Variants in NCKAP5 observed in about 807,000 individuals in gnomAD.
NCKAP5 encodes the protein NCK associated protein 5, also known as nck-associated protein 5.
NCKAP5 carries 92 observed loss-of-function variants against 167.0 expected under a neutral mutation model. The ratio of observed to expected loss-of-function variants is 0.55; its 90% CI spans 0.47 to 0.66. The LOEUF is 0.66. Ranked by LOEUF, NCKAP5 falls within the 30% of genes least tolerant of loss-of-function variation. The pLI is 0.00. For missense variants in NCKAP5, 2,378 were observed against 2,315.0 expected (o/e 1.03, Z -0.56); for synonymous variants, 891 against 877.4 (o/e 1.02, Z -0.27).
In NCKAP5 at chr2:133,120,065, C is replaced by T. The variant is rs1205872902; in HGVS notation, c.341+9913G>A. Among the ~76,000 whole-genome samples, 3 of 152,002 alleles carry T rather than the reference C, an allele frequency of 2.0e-5. No individual in the cohort carries two copies. The East Asian group carries it at 5.8e-4, about 29-fold the overall frequency. On this transcript the variant is annotated intron_variant, in intron 6 of 19. Coordinates refer to ENST00000409261, the MANE Select transcript of NCKAP5 (RefSeq NM_207363.3). ...TGCTAAAGCGGTTACAGAAAATAAA[C>T]AAGGAAAAAGAAACGTATATTTCTG...
chr2:132,961,114 A>G (rs746268378), intron 8 of NCKAP5, among the ~76,000 whole-genome samples: 49 of 152,180 alleles, frequency 3.2e-4, no homozygotes, highest in Non-Finnish European at 6.2e-4. Flanking sequence ...TCATTAAAGC[A>G]TAAAAATCCA....
chr2:133,225,862 A>C (rs2086863784), intron 4 of NCKAP5, among the ~76,000 whole-genome samples: 1 of 137,038 alleles, frequency 7.3e-6, no homozygotes, highest in Non-Finnish European at 1.5e-5. Context: ...GGCTCACTGC[A>C]ACCTCTGACT....
chr2:133,491,848 G>A (rs1422235596), intron 3 of NCKAP5, among the ~76,000 whole-genome samples: 1 of 152,190 alleles, frequency 6.6e-6, no homozygotes, highest in East Asian at 1.9e-4. Flanking sequence ...CATATTGTTT[G>A]CCACATATAG....
At chr2:133,054,986 T>C (rs182307682) in intron 6 of NCKAP5, among the ~76,000 whole-genome samples, 5 of 152,276 alleles carry the variant, frequency 3.3e-5, no homozygotes, top group Admixed American at 3.3e-4. Flanking sequence ...GGCCTCACAG[T>C]TGTCTATTGA....
At chr2:133,455,069 G>A (rs961640743) in intron 3 of NCKAP5, among the ~76,000 whole-genome samples, 3 of 152,010 alleles carry the variant, frequency 2.0e-5, no homozygotes, top group African/African-American at 4.8e-5. Context: ...GATGAAACAC[G>A]ATTTTCTACC....
chr2:132,926,670 T>C (rs1325356134), intron 8 of NCKAP5, among the ~76,000 whole-genome samples: 3 of 152,214 alleles, frequency 2.0e-5, no homozygotes, highest in East Asian at 3.8e-4. Flanking sequence ...CATTTGTATG[T>C]CTTCTTTTGA....
chr2:132,770,877 C>T (rs927935006), intron 16 of NCKAP5, among the ~76,000 whole-genome samples: 1 of 152,090 alleles, frequency 6.6e-6, no homozygotes, highest in Non-Finnish European at 1.5e-5. Context: ...GTAGTTAAAC[C>T]ATTGTAATGT....
Position 133,340,750 on chromosome 2 carries a change from G to A in NCKAP5, c.70-37640C>T, listed in dbSNP as rs1044398104. ...GAGATGGCAAAAATCCCTAGTACAA[G>A]AGTAAGCAGTGATTTCTTTTTGAAT... On this transcript the variant is annotated intron_variant, in intron 3 of 19. Coordinates refer to ENST00000409261, the MANE Select transcript of NCKAP5 (RefSeq NM_207363.3). Among the ~76,000 whole-genome samples the A allele has an allele frequency of 2.6e-5, 4 of 152,162 alleles. No individual in the cohort carries two copies. The East Asian group carries it at 7.7e-4, about 29-fold the overall frequency.
At chr2:132,774,543 G>C (rs905128927) in intron 15 of NCKAP5, among the ~76,000 whole-genome samples, 4 of 151,928 alleles carry the variant, frequency 2.6e-5, no homozygotes, top group African/African-American at 9.7e-5. Flanking sequence ...CACTAGATTG[G>C]GCAGCATCAG....
At chr2:132,921,149 T>G (rs139067011) in intron 8 of NCKAP5, among the ~76,000 whole-genome samples, 26 of 152,080 alleles carry the variant, frequency 1.7e-4, no homozygotes, top group African/African-American at 5.8e-4. Flanking sequence ...TATCTGCCAT[T>G]CCTAGGTTGA....
At chr2:132,822,240 A>C (rs1443489942) in intron 11 of NCKAP5, among the ~76,000 whole-genome samples, 1 of 152,192 alleles carries the variant, frequency 6.6e-6, no homozygotes. Flanking sequence ...TGCTAGCATA[A>C]CCAGTATTCA....
chr2:132,749,293 T>A (rs1679907597), intron 16 of NCKAP5, among the ~76,000 whole-genome samples: 1 of 152,042 alleles, frequency 6.6e-6, no homozygotes, highest in African/African-American at 2.4e-5. Flanking sequence ...AACCTTCACC[T>A]CCCAGACTCA....
chr2:133,048,339 T>G (rs1352330693), intron 6 of NCKAP5, among the ~76,000 whole-genome samples: 1 of 152,164 alleles, frequency 6.6e-6, no homozygotes, highest in African/African-American at 2.4e-5. Context: ...GACAATTAAA[T>G]GTGCCTGGCA....
intron 5 of NCKAP5, among the ~76,000 whole-genome samples, chr2:133,206,392 T>C (rs1241387139): frequency 6.6e-6 from 1 of 152,184 alleles, no homozygotes; most frequent in Non-Finnish European, 1.5e-5. Flanking sequence ...TTTTATAATG[T>C]CTTATGCCTG....
At chr2:133,226,890 A>G (rs1261920393) in intron 4 of NCKAP5, among the ~76,000 whole-genome samples, 1 of 152,224 alleles carries the variant, frequency 6.6e-6, no homozygotes, top group Non-Finnish European at 1.5e-5. Flanking sequence ...ACATCCAGAT[A>G]TATTTTAATA....
At chr2:133,516,106 C>T (rs188990100) in intron 3 of NCKAP5, among the ~76,000 whole-genome samples, 4 of 152,196 alleles carry the variant, frequency 2.6e-5, no homozygotes, top group Admixed American at 1.3e-4. Context: ...TCATACCCTA[C>T]GGCTGTCTCT....
chr2:132,959,530 T>C (rs1292091096), intron 8 of NCKAP5, among the ~76,000 whole-genome samples: 1 of 152,068 alleles, frequency 6.6e-6, no homozygotes, highest in Admixed American at 6.5e-5. Flanking sequence ...GTGCAGTTGG[T>C]CCCTGAGTGG....
intron 18 of NCKAP5, among the ~76,000 whole-genome samples, chr2:132,727,559 T>A (rs559670519): frequency 1.3e-5 from 2 of 152,350 alleles, no homozygotes; most frequent in Non-Finnish European, 1.5e-5. Context: ...CTTCAGGTGG[T>A]TCTGATGCCT....
intron 3 of NCKAP5, among the ~76,000 whole-genome samples, chr2:133,368,676 C>T (rs1211784136): frequency 6.6e-6 from 1 of 152,148 alleles, no homozygotes; most frequent in Non-Finnish European, 1.5e-5. Flanking sequence ...GAAGGATGGC[C>T]CCTGCCTTCA....
Sources: allele counts gnomAD v4.1 joint callset (sites outside exome capture counted in the v4.1 genomes callset), GRCh38; gene constraint gnomAD v4.1.1; transcripts MANE v1.5; gene names NCBI Gene and HGNC (gene_info 2026-07-23, HGNC 2026-07-21).